Variants in FANCA observed in about 807,000 individuals in gnomAD.
FANCA encodes the protein FA complementation group A.
In FANCA, 236 loss-of-function variants were observed where a neutral mutation model predicts 194.3. The observed-to-expected ratio is 1.21, with a 90% confidence interval of 1.09 to 1.35. The LOEUF is 1.35. Among genes scored for constraint, FANCA ranks in the 40% most tolerant of loss-of-function variants. FANCA has a pLI of 0.00. For synonymous variants in FANCA, 1,014 were observed against 715.8 expected (o/e 1.42, Z -6.65); for missense variants, 2,628 against 1,813.9 (o/e 1.45, Z -8.15).
chr16:89,791,634 T>G, intron 13 of FANCA, 98 bp from the exon 14 acceptor site: 1 of 1,520,942 alleles, frequency 6.6e-7, no homozygotes, highest in Non-Finnish European at 9.0e-7. Flanking sequence ...AGAAGGAGAC[T>G]GTGCACACCC....
intron 27 of FANCA, among the ~76,000 whole-genome samples, chr16:89,765,477 C>A (rs1000877467): frequency 2.0e-5 from 3 of 152,284 alleles, no homozygotes; most frequent in Admixed American, 2.0e-4. Context: ...TATGTGCAGA[C>A]CTTCCTGCCA....
chr16:89,780,636 A>C (rs993387036), intron 17 of FANCA, among the ~76,000 whole-genome samples: 1 of 151,942 alleles, frequency 6.6e-6, no homozygotes, highest in Non-Finnish European at 1.5e-5. Flanking sequence ...AAAAAAAAAA[A>C]AACATTCTGA....
Position 89,814,545 on chromosome 16 carries a change from A to T in FANCA, c.258T>A (p.Tyr86Ter), listed in dbSNP as rs1452688134. The T allele has an allele frequency of 6.2e-7, 1 of 1,613,494 alleles. No homozygotes were observed. Among genetic ancestry groups the T allele is most frequent in the Admixed American group, 1.7e-5 (1 of 60,028 alleles). ...KVIDCDSSEAYANHSSSFIGS... is the reference protein window; with the variant it reads ...KVIDCDSSEA ...CTATAAATGAACTAGAATGATTAGC[A>T]TAGGCCTCAGAACTGTCACAGTCAA... The change falls in exon 3 of 43, where the codon TAT becomes TAA. Residue 86 changes from tyrosine (Y) to a stop codon, truncating the protein, a stop_gained. Transcript: ENST00000389301. LOFTEE classifies it high-confidence loss of function.
chr16:89,743,068 G>A, intron 36 of FANCA, 130 bp from the exon 37 acceptor site: 17 of 1,101,436 alleles, frequency 1.5e-5, no homozygotes, highest in Non-Finnish European at 2.2e-5. Context: ...AAGGGTTTCA[G>A]GACCATCAGA....
chr16:89,752,045 C>T (rs369205809), intron 31 of FANCA, 93 bp downstream of exon 31: 2 of 1,119,262 alleles, frequency 1.8e-6, no homozygotes, highest in East Asian at 2.3e-5. Flanking sequence ...TCTGGGATTA[C>T]AGGCGTGAGC....
At chr16:89,795,609 G>A (rs766100343) in intron 11 of FANCA, among the ~76,000 whole-genome samples, 35 of 152,234 alleles carry the variant, frequency 2.3e-4, no homozygotes, top group Non-Finnish European at 4.4e-4. Context: ...CTGCACTCCA[G>A]CATGGGCAAG....
At position 89,789,436 on chromosome 16, in the gene FANCA, CTTTTTTTTT is replaced by C. The variant is rs532159256; in HGVS notation, c.1359+1958_1359+1966del. Among the ~76,000 whole-genome samples, 11 of 102,542 alleles carry C rather than the reference CTTTTTTTTT, an allele frequency of 1.1e-4. No homozygotes were observed. In the South Asian group the frequency reaches 2.7e-3, roughly 25 times the overall value. 67.3% of individuals were successfully genotyped at this position (102,542 alleles called of 152,430 possible). A position where few individuals can be genotyped will look rare whatever the true frequency, so the allele number is the denominator to read the frequency against. ...GTGGTGATGGCAGGAAAACTCAATA[CTTTTTTTTT>C]TTTTTTTTTTTTTGAGACAGAGTCT... On this transcript the variant is annotated intron_variant, in intron 14 of 42. Coordinates refer to ENST00000389301, the MANE Select transcript of FANCA (RefSeq NM_000135.4).
rs541464747 is a variant in FANCA, at chr16:89,803,137, A to T, written c.792+122T>A. Reference sequence around the variant, plus strand: ...ACACTCTATGCACAAAACAAGTATCACATGTACCCCGTAAATAGGTACAAA... The same window carrying T: ...ACACTCTATGCACAAAACAAGTATCTCATGTACCCCGTAAATAGGTACAAA... On this transcript the variant is annotated intron_variant, in intron 8 of 42. Transcript: ENST00000389301. 648 of 950,534 alleles carry T rather than the reference A, an allele frequency of 6.8e-4. 2 individuals carry two copies. The highest frequency in any genetic ancestry group is 9.5e-4 in the Non-Finnish European group (554 of 583,246). 58.9% of individuals were successfully genotyped at this position (950,534 alleles called of 1,614,324 possible). A position where few individuals can be genotyped will look rare whatever the true frequency, so the allele number is the denominator to read the frequency against.
intron 20 of FANCA, among the ~76,000 whole-genome samples, 174 bp downstream of exon 20, chr16:89,778,627 T>TAAAAAAAAAA (rs397693835): frequency 6.7e-5 from 2 of 29,934 alleles, no homozygotes; most frequent in Non-Finnish European, 1.2e-4. Context: ...AGACTCCAAC[T>TAAAAAAAAAA]AAAAAAAAAA....
intron 31 of FANCA, among the ~76,000 whole-genome samples, chr16:89,750,646 G>A (rs1398102175): frequency 1.3e-5 from 2 of 151,858 alleles, no homozygotes; most frequent in Non-Finnish European, 2.9e-5. Context: ...GGTGGCAGGC[G>A]CCTGTAATCC....
intron 10 of FANCA, among the ~76,000 whole-genome samples, chr16:89,796,340 G>A (rs17232456): frequency 4.6e-5 from 7 of 152,160 alleles, no homozygotes; most frequent in East Asian, 1.9e-4. Context: ...CGCCGCACCC[G>A]GGAGTGGAGC....
At position 89,778,811 on chromosome 16, in the gene FANCA, A is replaced by G. The variant is rs770164503; in HGVS notation, c.1816T>C (p.Ser606Pro). 6.2e-7 allele frequency: 1 copy of G among 1,613,966 alleles called. No homozygotes were observed. Among genetic ancestry groups the G allele is most frequent in the Non-Finnish European group, 8.5e-7 (1 of 1,179,984 alleles). Residue 606 changes from serine to proline, a missense_variant, in exon 20 of 43, where the codon TCT becomes CCT. By Grantham distance (74) the Ser-to-Pro change is moderately conservative (BLOSUM62 -1). Coordinates refer to ENST00000389301, the MANE Select transcript of FANCA (RefSeq NM_000135.4). Reference protein sequence around the residue: ...VPDSRVAFIESLKRADKIPPS... With the variant: ...VPDSRVAFIEPLKRADKIPPS... ...ACCGTTGCTGCATACCTCTTCAGAG[A>G]CTCTATAAACGCCACACGGGAGTCA...
rs766358053 is a variant in FANCA at position 89,749,790 on chromosome 16, G to C, written c.3179C>G (p.Thr1060Arg). Residue 1060 changes from threonine (T) to arginine (R), a missense_variant, in exon 32 of 43, where the codon ACA becomes AGA. By Grantham distance (71) the Thr-to-Arg change is moderately conservative. Coordinates refer to ENST00000389301, the MANE Select transcript of FANCA (RefSeq NM_000135.4). ...GCTGGCAGCCACGCTCCACCCGCTTGTCAGAGCCTGGAGCCGTCTGCGGAA... is the reference window on the plus strand; with the variant it reads ...GCTGGCAGCCACGCTCCACCCGCTTCTCAGAGCCTGGAGCCGTCTGCGGAA... ...EIFRRRLQAL[T>R]SGWSVAASLQ... 3 of 1,614,246 alleles carry C rather than the reference G, an allele frequency of 1.9e-6. No homozygotes were observed. The Admixed American group carries it at 5.0e-5, about 27-fold the overall frequency.
intron 7 of FANCA, among the ~76,000 whole-genome samples, chr16:89,804,322 G>A (rs1004250822): frequency 6.6e-6 from 1 of 152,160 alleles, no homozygotes; most frequent in Non-Finnish European, 1.5e-5. Flanking sequence ...ATCCCAGAGA[G>A]GATCTGAGAA....
Position 89,771,695 on chromosome 16 carries a change from C to G in FANCA, c.2134G>C (p.Glu712Gln), listed in dbSNP as rs774565293. 6.2e-7 allele frequency: 1 copy of G among 1,614,160 alleles called. No homozygotes were observed. Among genetic ancestry groups the G allele is most frequent in the Non-Finnish European group, 8.5e-7 (1 of 1,180,026 alleles). ...IQLSINTPRL[E>Q]PREHMAVDLL... is the part of the protein sequence containing the mutation. ...ACACCTACCATGTGTTCCCGTGGCTCCAGTCTCGGCGTGTTGATGCTGAGC... is the reference window on the plus strand; with the variant it reads ...ACACCTACCATGTGTTCCCGTGGCTGCAGTCTCGGCGTGTTGATGCTGAGC... The change falls in exon 23 of 43, where the codon GAG becomes CAG. Residue 712 changes from glutamate to glutamine, a missense_variant. Transcript: ENST00000389301.
chr16:89,750,261 C>G (rs1459125827), intron 31 of FANCA, among the ~76,000 whole-genome samples: 2 of 149,414 alleles, frequency 1.3e-5, no homozygotes, highest in East Asian at 4.0e-4. Context: ...GCAGGAGGAT[C>G]ACGAGGTCAG....
intron 39 of FANCA, 110 bp from the exon 40 acceptor site, chr16:89,739,663 GAT>G: frequency 4.0e-6 from 6 of 1,506,906 alleles, no homozygotes; most frequent in Non-Finnish European, 5.4e-6. Context: ...TGGCTGTGGG[GAT>G]AGTGTGGGGC....
intron 22 of FANCA, 125 bp downstream of exon 22, chr16:89,773,146 T>A (rs910452512): frequency 2.5e-6 from 2 of 793,194 alleles, no homozygotes; most frequent in Admixed American, 4.1e-5. Context: ...GGTCAATCTT[T>A]AAACTACTGG....
chr16:89,760,614 G>A (rs2038920737), intron 29 of FANCA, among the ~76,000 whole-genome samples: 1 of 152,076 alleles, frequency 6.6e-6, no homozygotes, highest in African/African-American at 2.4e-5. Flanking sequence ...GGTCCTCTGG[G>A]CTCCCTACTC....
Sources: gnomAD v4.1 joint callset for allele counts (sites outside exome capture counted in the v4.1 genomes callset) on GRCh38, gnomAD v4.1.1 for gene constraint, MANE v1.5 for transcripts, NCBI Gene and HGNC (gene_info 2026-07-23, HGNC 2026-07-21) for gene names.